The following IGSF11 variants were observed in gnomAD, a reference collection of about 807,000 sequenced individuals.
IGSF11 encodes CXADR like 1.
A neutral mutation model predicts 41.0 loss-of-function variants in IGSF11; 22 were observed. That is an observed-to-expected ratio of 0.54 (90% CI 0.38 to 0.77). The LOEUF is 0.77. Among genes scored for constraint, IGSF11 ranks in the 30% least tolerant of loss-of-function variants. IGSF11 has a pLI of 0.00. For synonymous variants in IGSF11, 219 were observed against 201.3 expected (o/e 1.09, Z -0.74); for missense variants, 444 against 530.8 (o/e 0.84, Z 1.61).
intron 1 of IGSF11, among the ~76,000 whole-genome samples, chr3:118,970,355 C>T (rs541594240): frequency 5.3e-5 from 8 of 152,138 alleles, no homozygotes; most frequent in African/African-American, 1.9e-4. Flanking sequence ...ATTGTTACCA[C>T]ATAAAAATAA....
intron 1 of IGSF11, among the ~76,000 whole-genome samples, chr3:118,981,456 C>G (rs1934705554): frequency 6.6e-6 from 1 of 152,204 alleles, no homozygotes; most frequent in African/African-American, 2.4e-5. Context: ...AGCCACTGTG[C>G]TCAGCTTTTG....
chr3:118,958,914 G>T (rs1945142389), intron 1 of IGSF11, among the ~76,000 whole-genome samples: 1 of 152,178 alleles, frequency 6.6e-6, no homozygotes, highest in Admixed American at 6.5e-5. Context: ...CAGCAAATGA[G>T]ATTCTCAACA....
rs1386354084 is a variant in IGSF11, at chr3:119,034,472, GC to G, written c.52+58del. ...CTCTTTGCCGTCCCCAAACAGCTTCGCCCCGGGCCCGCCGACCCGGCCTGGC... is the reference window on the plus strand; with the variant it reads ...CTCTTTGCCGTCCCCAAACAGCTTCGCCCGGGCCCGCCGACCCGGCCTGGC... On this transcript the variant is annotated intron_variant, in intron 1 of 6. Transcript: ENST00000393775. 12 of 1,426,112 alleles carry G rather than the reference GC, an allele frequency of 8.4e-6. No homozygotes were observed. The Admixed American group carries it at 1.6e-4, about 18-fold the overall frequency. 88.3% of individuals were successfully genotyped at this position (1,426,112 alleles called of 1,614,324 possible).
At chr3:118,936,691 T>A (rs1292095975) in intron 1 of IGSF11, among the ~76,000 whole-genome samples, 1 of 152,188 alleles carries the variant, frequency 6.6e-6, no homozygotes, top group Non-Finnish European at 1.5e-5. Flanking sequence ...AAGTGCATGG[T>A]CATATTTCCT....
At chr3:118,950,307 G>A (rs1399367893) in intron 1 of IGSF11, among the ~76,000 whole-genome samples, 1 of 151,990 alleles carries the variant, frequency 6.6e-6, no homozygotes, top group Admixed American at 6.6e-5. Flanking sequence ...AGCTTTCTCC[G>A]GTTAAGTTCT....
chr3:119,131,968 G>A (rs543213374), intron 1 of IGSF11, among the ~76,000 whole-genome samples: 45 of 152,188 alleles, frequency 3.0e-4, no homozygotes, highest in Middle Eastern at 3.4e-3. Flanking sequence ...ATAAGTGAAG[G>A]AGAAATAAAA....
chr3:118,976,450 A>T (rs1477129377), intron 1 of IGSF11, among the ~76,000 whole-genome samples: 1 of 152,216 alleles, frequency 6.6e-6, no homozygotes, highest in Admixed American at 6.5e-5. Flanking sequence ...AACCACCATC[A>T]TCATTGAAGT....
At chr3:119,100,539 A>G (rs566073547) in intron 1 of IGSF11, among the ~76,000 whole-genome samples, 2 of 152,370 alleles carry the variant, frequency 1.3e-5, no homozygotes, top group East Asian at 3.9e-4. Context: ...GACAAAATTG[A>G]TCTACTATTC....
chr3:118,902,466 C>CCAA lies in IGSF11; in HGVS notation c.*53_*54insTTG. On this transcript the variant is annotated 3_prime_UTR_variant, in exon 7 of 7. Coordinates refer to ENST00000393775, the MANE Select transcript of IGSF11 (RefSeq NM_001015887.3). ...CAGCACTCCCCACCCCACCCTCCCCCTTGTATGAGGGCATTCCATTTATTC... is the reference window on the plus strand; with the variant it reads ...CAGCACTCCCCACCCCACCCTCCCCCCAATTGTATGAGGGCATTCCATTTATTC... 1 of 878,270 alleles carries CCAA rather than the reference C, an allele frequency of 1.1e-6. No individual in the cohort carries two copies. The highest frequency in any genetic ancestry group is 1.8e-6 in the Non-Finnish European group (1 of 544,884). 54.4% of individuals were successfully genotyped at this position (878,270 alleles called of 1,614,324 possible).
chr3:119,015,202 T>C (rs1333923652), intron 1 of IGSF11, among the ~76,000 whole-genome samples: 3 of 152,230 alleles, frequency 2.0e-5, no homozygotes, highest in Admixed American at 2.0e-4. Context: ...CTTTCCTAAA[T>C]ACCTTCCCTC....
intron 1 of IGSF11, among the ~76,000 whole-genome samples, chr3:119,041,722 T>C (rs1401839873): frequency 6.6e-6 from 1 of 151,952 alleles, no homozygotes; most frequent in African/African-American, 2.4e-5. Context: ...CCTAGAAAAA[T>C]AGAACTTATC....
rs557024761 is a variant in IGSF11 at position 118,969,594 on chromosome 3, A to T, written c.53-39319T>A. 3.9e-5 allele frequency among the ~76,000 whole-genome samples: 6 copies of T among 152,350 alleles called. No homozygotes were observed. The South Asian group carries it at 1.0e-3, about 26-fold the overall frequency. On this transcript the variant is annotated intron_variant, in intron 1 of 6. Coordinates refer to ENST00000393775, the MANE Select transcript of IGSF11 (RefSeq NM_001015887.3). ...GGCTTCACTGCAAATGAACTAGAGC[A>T]GCAGGTACTAGGGCAAAGCAAAAAC...
At chr3:119,022,243 TA>T (rs1236832269) in intron 1 of IGSF11, among the ~76,000 whole-genome samples, 1 of 152,144 alleles carries the variant, frequency 6.6e-6, no homozygotes, top group East Asian at 1.9e-4. Context: ...TTTATAGAGA[TA>T]AGAAGTAGAT....
intron 1 of IGSF11, among the ~76,000 whole-genome samples, chr3:119,072,597 C>T (rs114191858): frequency 0.032 from 4,827 of 152,144 alleles, 115 homozygotes; most frequent in South Asian, 0.093. Context: ...GGAGTGAAGC[C>T]GCATACCTTC....
chr3:118,907,610 C>G (rs1939771518), intron 4 of IGSF11, among the ~76,000 whole-genome samples: 1 of 152,172 alleles, frequency 6.6e-6, no homozygotes, highest in Non-Finnish European at 1.5e-5. Flanking sequence ...GCTGCCTACT[C>G]TTTAGCGTCT....
At chr3:118,988,972 T>C (rs1464039679) in intron 1 of IGSF11, among the ~76,000 whole-genome samples, 1 of 152,218 alleles carries the variant, frequency 6.6e-6, no homozygotes, top group Non-Finnish European at 1.5e-5. Flanking sequence ...AAGTCCCATA[T>C]AAACTAAAAG....
At chr3:119,103,923 A>T (rs1391147562) in intron 1 of IGSF11, among the ~76,000 whole-genome samples, 1 of 152,170 alleles carries the variant, frequency 6.6e-6, no homozygotes, top group Non-Finnish European at 1.5e-5. Context: ...CTCTTCACCC[A>T]TAACTGCTCT....
At chr3:119,125,049 T>C (rs977656033) in intron 1 of IGSF11, among the ~76,000 whole-genome samples, 7 of 152,162 alleles carry the variant, frequency 4.6e-5, no homozygotes, top group African/African-American at 1.7e-4. Flanking sequence ...CCTAGAATAG[T>C]ATATCTGGCA....
intron 1 of IGSF11, among the ~76,000 whole-genome samples, chr3:119,033,104 A>G (rs77072847): frequency 6.6e-6 from 1 of 152,188 alleles, no homozygotes; most frequent in Non-Finnish European, 1.5e-5. Context: ...AATTGTATCA[A>G]CTCTTTTAAA....
Sources: gnomAD v4.1 joint callset for allele counts (sites outside exome capture counted in the v4.1 genomes callset) on GRCh38, gnomAD v4.1.1 for gene constraint, MANE v1.5 for transcripts, NCBI Gene and HGNC (gene_info 2026-07-23, HGNC 2026-07-21) for gene names.